GXYLT2: variants seen among roughly 807,000 people sequenced by gnomAD.
GXYLT2 encodes glucoside xylosyltransferase 2.
Under a neutral mutation model 45.8 loss-of-function variants are expected in GXYLT2, and 53 were observed. The ratio of observed to expected loss-of-function variants is 1.16; its 90% confidence interval spans 0.93 to 1.46. The LOEUF is 1.46. Ranked by LOEUF, GXYLT2 falls within the 40% of genes most tolerant of loss-of-function variation. GXYLT2 has a pLI of 0.00. For synonymous variants in GXYLT2, 219 were observed against 214.2 expected, an observed-to-expected ratio of 1.02 and a Z score of -0.19; for missense variants, 551 against 544.4, an observed-to-expected ratio of 1.01 and a Z score of -0.12.
At chr3:72,921,192 A>T (rs946119134) in intron 2 of GXYLT2, among the ~76,000 whole-genome samples, 2 of 151,570 alleles carry the variant, frequency 1.3e-5, no homozygotes, top group Admixed American at 1.3e-4. Flanking sequence ...AAAAAAAAAA[A>T]TTTATAGTTT....
intron 2 of GXYLT2, among the ~76,000 whole-genome samples, chr3:72,914,089 A>G (rs1323564300): frequency 6.6e-6 from 1 of 152,052 alleles, no homozygotes; most frequent in Non-Finnish European, 1.5e-5. Context: ...TTTTTGGGAT[A>G]ACTTCTGGGA....
chr3:72,890,167 C>T (rs1709156840), intron 1 of GXYLT2, among the ~76,000 whole-genome samples: 1 of 152,082 alleles, frequency 6.6e-6, no homozygotes, highest in Admixed American at 6.5e-5. Flanking sequence ...CTGCCTCAGC[C>T]TTTCCCAAAG....
chr3:72,954,155 G>C (rs1271736768), intron 3 of GXYLT2, among the ~76,000 whole-genome samples: 4 of 151,982 alleles, frequency 2.6e-5, no homozygotes, highest in Non-Finnish European at 5.9e-5. Context: ...CCAGGCTAGA[G>C]TGTAGTGGTG....
chr3:72,965,661 A>G (rs1223514217), intron 5 of GXYLT2, among the ~76,000 whole-genome samples: 1 of 152,160 alleles, frequency 6.6e-6, no homozygotes, highest in East Asian at 1.9e-4. Context: ...CATCAGCACT[A>G]TTGCTATTGT....
intron 1 of GXYLT2, among the ~76,000 whole-genome samples, chr3:72,889,988 C>G (rs1193845782): frequency 2.0e-5 from 3 of 151,446 alleles, no homozygotes; most frequent in Non-Finnish European, 4.4e-5. Flanking sequence ...TCACTGCAAC[C>G]GCTGCCTCCC....
intron 5 of GXYLT2, among the ~76,000 whole-genome samples, chr3:72,962,887 G>A (rs2107150150): frequency 6.6e-6 from 1 of 151,664 alleles, no homozygotes; most frequent in South Asian, 2.1e-4. Flanking sequence ...GCCTTTTTTG[G>A]AACAAGGAGC....
intron 4 of GXYLT2, among the ~76,000 whole-genome samples, chr3:72,955,736 G>T (rs886171916): frequency 6.6e-6 from 1 of 152,172 alleles, no homozygotes; most frequent in African/African-American, 2.4e-5. Flanking sequence ...TCCTAGCAAA[G>T]AAGTGGAAAG....
At chr3:72,946,103 C>A (rs1710396940) in intron 3 of GXYLT2, among the ~76,000 whole-genome samples, 1 of 151,632 alleles carries the variant, frequency 6.6e-6, no homozygotes, top group Non-Finnish European at 1.5e-5. Context: ...ATAGCGAGAC[C>A]TTGTCTCTCC....
intron 1 of GXYLT2, among the ~76,000 whole-genome samples, chr3:72,905,956 G>A (rs1709503091): frequency 6.6e-6 from 1 of 152,170 alleles, no homozygotes; most frequent in Non-Finnish European, 1.5e-5. Flanking sequence ...CATTCTGTTT[G>A]GGGGCAGGTG....
intron 3 of GXYLT2, among the ~76,000 whole-genome samples, chr3:72,930,692 C>G (rs1364722805): frequency 6.7e-6 from 1 of 149,354 alleles, no homozygotes; most frequent in Non-Finnish European, 1.5e-5. Context: ...CTCCCAGGCT[C>G]AGGTGATCCT....
chr3:72,918,882 G>A (rs1230030983), intron 2 of GXYLT2, among the ~76,000 whole-genome samples: 3 of 152,052 alleles, frequency 2.0e-5, no homozygotes, highest in Non-Finnish European at 4.4e-5. Context: ...ATGAAAAGAT[G>A]TTCAGTGTCA....
intron 2 of GXYLT2, among the ~76,000 whole-genome samples, chr3:72,913,042 T>G (rs1709663287): frequency 6.6e-6 from 1 of 150,972 alleles, no homozygotes; most frequent in African/African-American, 2.4e-5. Context: ...TTTGTTTTTT[T>G]TTTTGTTTTT....
intron 3 of GXYLT2, among the ~76,000 whole-genome samples, chr3:72,933,925 TAAAG>T (rs1710127489): frequency 1.3e-5 from 2 of 151,168 alleles, no homozygotes; most frequent in South Asian, 4.2e-4. Flanking sequence ...ATAATAATAA[TAAAG>T]AAAGGAAAGG....
chr3:72,903,317 T>C (rs1309638403), intron 1 of GXYLT2, among the ~76,000 whole-genome samples: 1 of 152,184 alleles, frequency 6.6e-6, no homozygotes, highest in Non-Finnish European at 1.5e-5. Context: ...TTTCTTCTCA[T>C]AGTCTGATGC....
chr3:72,898,614 T>G (rs1331104553), intron 1 of GXYLT2, among the ~76,000 whole-genome samples: 1 of 152,216 alleles, frequency 6.6e-6, no homozygotes, highest in African/African-American at 2.4e-5. Flanking sequence ...GGCAAAGGTC[T>G]GTTGTGGAGA....
chr3:72,937,086 A>G (rs1220900437), intron 3 of GXYLT2, among the ~76,000 whole-genome samples: 1 of 152,166 alleles, frequency 6.6e-6, no homozygotes, highest in Admixed American at 6.6e-5. Flanking sequence ...CTGCCTACCT[A>G]TCTATGTATA....
chr3:72,943,569 G>T (rs9817911), intron 3 of GXYLT2, among the ~76,000 whole-genome samples: 19,693 of 151,786 alleles, frequency 0.13, 1,705 homozygotes, highest in East Asian at 0.31. Flanking sequence ...TAGAGATGGG[G>T]TTTCACCATG....
intron 6 of GXYLT2, among the ~76,000 whole-genome samples, chr3:72,968,439 T>C (rs1710913916): frequency 6.6e-6 from 1 of 152,224 alleles, no homozygotes; most frequent in Non-Finnish European, 1.5e-5. Flanking sequence ...GGTCAAGGTG[T>C]TCAGTTACAA....
At chr3:72,898,659 G>C (rs1709341611) in intron 1 of GXYLT2, among the ~76,000 whole-genome samples, 1 of 152,188 alleles carries the variant, frequency 6.6e-6, no homozygotes, top group South Asian at 2.1e-4. Flanking sequence ...GGGAGGCATG[G>C]GAGACTGAAA....
Sources: gnomAD v4.1 joint callset for allele counts (sites outside exome capture counted in the v4.1 genomes callset) on GRCh38, gnomAD v4.1.1 for gene constraint, MANE v1.5 for transcripts, NCBI Gene and HGNC (gene_info 2026-07-23, HGNC 2026-07-21) for gene names.